The following NECTIN1 variants were observed in gnomAD, a reference collection of about 807,000 sequenced individuals.
The protein encoded by NECTIN1 is nectin-1.
In NECTIN1, 23 loss-of-function variants were observed where a neutral mutation model predicts 48.0. The ratio of observed to expected loss-of-function variants is 0.48; its 90% CI spans 0.34 to 0.68. The LOEUF is 0.68. Ranked by LOEUF, NECTIN1 falls within the 30% of genes least tolerant of loss-of-function variation. The pLI is 0.01. For synonymous variants in NECTIN1, 270 were observed against 288.9 expected, an observed-to-expected ratio of 0.93 and a Z score of 0.66; for missense variants, 591 against 709.9, an observed-to-expected ratio of 0.83 and a Z score of 1.90.
chr11:119,696,185 C>T (rs1171792194), intron 1 of NECTIN1, among the ~76,000 whole-genome samples: 1 of 152,176 alleles, frequency 6.6e-6, no homozygotes, highest in African/African-American at 2.4e-5. Context: ...AAAGTGATTA[C>T]CACCTGCCTC....
chr11:119,658,018 C>A (rs1359985087), downstream of NECTIN1, among the ~76,000 whole-genome samples: 2 of 151,448 alleles, frequency 1.3e-5, no homozygotes, highest in Non-Finnish European at 2.9e-5. Context: ...TTTAAAAATC[C>A]CCAGATGATT....
rs554547887 is a variant in NECTIN1 at position 119,666,869 on chromosome 11, T to C, written c.1004-1572A>G. Among the ~76,000 whole-genome samples, 10 of 152,162 alleles carry C rather than the reference T, an allele frequency of 6.6e-5. No homozygotes were observed. In the East Asian group the frequency reaches 1.9e-3, roughly 29 times the overall value. ...AGATTCTAGGAAAGAGGAAAGGCCT[T>C]CCAGGAATTTGGGCGGGAAGGGCTG... On this transcript the variant is annotated intron_variant, in intron 5 of 5. Transcript: ENST00000264025.
chr11:119,658,053 C>A (rs1326801577), downstream of NECTIN1, among the ~76,000 whole-genome samples: 1 of 151,734 alleles, frequency 6.6e-6, no homozygotes, highest in East Asian at 1.9e-4. Flanking sequence ...GGGTTAAGTT[C>A]TCTGCGCTCA....
chr11:119,678,641 C>T lies in NECTIN1; in HGVS notation c.204G>A (p.Gln68=). The change falls in exon 2 of 6, where the codon CAG becomes CAA. Residue 68 remains glutamine, a synonymous_variant. Coordinates refer to ENST00000264025, the MANE Select transcript of NECTIN1 (RefSeq NM_002855.5). The surrounding 1 kb of genome is among the most constrained non-coding windows in gnomAD (Gnocchi z 4.4). ...TCTGCTTGGAGCCATTGGTGGACTTCTGCCATGTGACCTGGGTGATCTTCA... is the reference window on the plus strand; with the variant it reads ...TCTGCTTGGAGCCATTGGTGGACTTTTGCCATGTGACCTGGGTGATCTTCA... ...PSVKITQVTW[Q]KSTNGSKQNV... The T allele has an allele frequency of 6.2e-7, 1 of 1,614,130 alleles. No homozygotes were observed. Among genetic ancestry groups the T allele is most frequent in the Non-Finnish European group, 8.5e-7 (1 of 1,180,018 alleles).
At chr11:119,688,540 C>A (rs889192401) in intron 1 of NECTIN1, among the ~76,000 whole-genome samples, 3 of 152,132 alleles carry the variant, frequency 2.0e-5, no homozygotes. Context: ...TTTGTGATGA[C>A]AAAATAACCA....
chr11:119,701,780 T>C (rs1025515943), intron 1 of NECTIN1, among the ~76,000 whole-genome samples: 2 of 152,176 alleles, frequency 1.3e-5, no homozygotes, highest in Admixed American at 1.3e-4. Flanking sequence ...AAGCTGCTGC[T>C]AGGGAAATGG....
chr11:119,691,821 G>A (rs1865258503), intron 1 of NECTIN1, among the ~76,000 whole-genome samples: 1 of 152,184 alleles, frequency 6.6e-6, no homozygotes, highest in Admixed American at 6.5e-5. Context: ...TTTTCTGGGA[G>A]CCCTCCTGCC....
At chr11:119,712,569 T>C (rs566061922) in intron 1 of NECTIN1, among the ~76,000 whole-genome samples, 4 of 151,030 alleles carry the variant, frequency 2.6e-5, no homozygotes, top group Non-Finnish European at 5.9e-5. Context: ...AGAGGGAAAC[T>C]TCAAAATCTT....
intron 1 of NECTIN1, among the ~76,000 whole-genome samples, chr11:119,685,290 C>T (rs1865136510): frequency 6.6e-6 from 1 of 152,262 alleles, no homozygotes; most frequent in Non-Finnish European, 1.5e-5. Context: ...GACCCCCCAA[C>T]TCCCCACATG....
In NECTIN1 at chr11:119,638,196, G is replaced by C. The variant is rs775870878; in HGVS notation, c.1279C>G (p.Gln427Glu). ...TAGGGGGGCTGCAGGGACAGCTTCT[G>C]CAAGTCCTCCTCTTCTTGCTGCTGC... is the stretch of plus-strand genomic sequence containing the variant. Residue 427 changes from glutamine to glutamate, a missense_variant, in exon 8 of 8, where the codon CAG (glutamine) becomes GAG (glutamate). Coordinates refer to the NECTIN1 transcript ENST00000341398. 8.1e-6 allele frequency: 13 copies of C among 1,613,962 alleles called. No individual in the cohort carries two copies. In the South Asian group the frequency reaches 1.4e-4, roughly 18 times the overall value.
intron 5 of NECTIN1, among the ~76,000 whole-genome samples, chr11:119,647,222 T>TGTGTGTGA (rs1365050105): frequency 6.7e-4 from 72 of 108,116 alleles, no homozygotes; most frequent in Middle Eastern, 5.3e-3. Flanking sequence ...TGTGTGTGTG[T>TGTGTGTGA]GACTGTGACC....
At chr11:119,639,963 C>T (rs141063530) in exon 6 of NECTIN1, 28 of 1,613,876 alleles carry the variant, frequency 1.7e-5, no homozygotes, top group Admixed American at 5.0e-5. Context: ...CCACGGTGCC[C>T]GCCAGGAGCC....
At chr11:119,658,854 T>G (rs1298016296), downstream of NECTIN1, among the ~76,000 whole-genome samples, 1 of 152,200 alleles carries the variant, frequency 6.6e-6, no homozygotes, top group Non-Finnish European at 1.5e-5. Flanking sequence ...AGGATGTGGC[T>G]GTGCTCTTGA....
chr11:119,714,479 A>G (rs1447830391), intron 1 of NECTIN1, among the ~76,000 whole-genome samples: 1 of 152,002 alleles, frequency 6.6e-6, no homozygotes, highest in African/African-American at 2.4e-5. Flanking sequence ...AAGCAGCCCC[A>G]CATCCATCCC....
In NECTIN1 at chr11:119,663,907, A is replaced by C. The variant is rs1591448049; in HGVS notation, c.*840T>G. 1.0e-6 allele frequency: 1 copy of C among 986,724 alleles called. No homozygotes were observed. The highest frequency in any genetic ancestry group is 1.7e-5 in the African/African-American group (1 of 57,242). The allele number at this position is 986,724 out of a possible 1,614,324, so 61.1% of individuals were successfully genotyped here. On this transcript the variant is annotated 3_prime_UTR_variant, in exon 6 of 6. Transcript: ENST00000264025. The stretch of plus-strand genomic sequence containing the variant: ...GGGCAGTGTCTGGATGGGGCAGGGC[A>C]TGGGACTCCAGGGGAAAGCAGGCAG...
At chr11:119,668,390 C>G (rs575110718) in intron 5 of NECTIN1, among the ~76,000 whole-genome samples, 5 of 152,340 alleles carry the variant, frequency 3.3e-5, no homozygotes, top group Non-Finnish European at 7.3e-5. Flanking sequence ...TTCTCAAAGA[C>G]CAGCAATGGC....
At chr11:119,694,133 G>A (rs1865306575) in intron 1 of NECTIN1, among the ~76,000 whole-genome samples, 1 of 152,124 alleles carries the variant, frequency 6.6e-6, no homozygotes, top group Non-Finnish European at 1.5e-5. Context: ...GTCTGCTCTT[G>A]ACTCCCCATT....
intron 5 of NECTIN1, among the ~76,000 whole-genome samples, chr11:119,651,696 G>C (rs1038291477): frequency 1.3e-5 from 2 of 152,124 alleles, no homozygotes; most frequent in African/African-American, 4.8e-5. Context: ...CGCTTCTCTG[G>C]AAGCTGCCCT....
intron 1 of NECTIN1, among the ~76,000 whole-genome samples, chr11:119,711,932 G>A (rs564370988): frequency 1.3e-5 from 2 of 152,336 alleles, no homozygotes; most frequent in African/African-American, 4.8e-5. Context: ...GATGGGTGTG[G>A]TGGTGCTAGG....
Sources: gnomAD v4.1 joint callset for allele counts (sites outside exome capture counted in the v4.1 genomes callset) on GRCh38, gnomAD v4.1.1 for gene constraint, Gnocchi (gnomAD v3.1) non-coding constraint, MANE v1.5 for transcripts, NCBI Gene and HGNC (gene_info 2026-07-23, HGNC 2026-07-21) for gene names.